The following SLX4IP variants were observed in gnomAD, a reference collection of about 807,000 sequenced individuals.
SLX4IP encodes the protein SLX4 interacting protein.
Under a neutral mutation model 32.9 loss-of-function variants are expected in SLX4IP, and 34 were observed. The observed-to-expected ratio is 1.03, with a 90% CI of 0.79 to 1.38. The LOEUF (loss-of-function observed/expected upper bound fraction) is 1.38. Among genes scored for constraint, SLX4IP ranks in the 40% most tolerant of loss-of-function variants. The probability of loss-of-function intolerance (pLI) is 0.00; values close to 1 mark genes in which losing one functional copy is unlikely to be tolerated. For synonymous variants in SLX4IP, 172 were observed against 171.7 expected (o/e 1.00, Z -0.01); for missense variants, 444 against 479.0 (o/e 0.93, Z 0.68).
At chr20:10,622,228 C>G (rs1568779283) in intron 7 of SLX4IP, among the ~76,000 whole-genome samples, 1 of 152,042 alleles carries the variant, frequency 6.6e-6, no homozygotes, top group South Asian at 2.1e-4. Context: ...TTGAAATAGC[C>G]TGAGAGAAAT....
intron 2 of SLX4IP, among the ~76,000 whole-genome samples, chr20:10,503,351 G>T (rs1043850547): frequency 2.6e-5 from 4 of 152,154 alleles, no homozygotes; most frequent in African/African-American, 7.2e-5. Flanking sequence ...TAGAGGTGTG[G>T]CTGGGTTGGA....
intron 2 of SLX4IP, among the ~76,000 whole-genome samples, chr20:10,525,939 T>C (rs2065936760): frequency 6.6e-6 from 1 of 152,158 alleles, no homozygotes; most frequent in Admixed American, 6.5e-5. Context: ...GGTAAGGACT[T>C]GGGGGTCTCC....
chr20:10,462,914 C>T (rs1180727868), intron 2 of SLX4IP, among the ~76,000 whole-genome samples: 1 of 152,182 alleles, frequency 6.6e-6, no homozygotes, highest in Admixed American at 6.5e-5. Context: ...GCATGGGAGT[C>T]ATACAAAATA....
chr20:10,448,225 C>T (rs367856471), intron 1 of SLX4IP, among the ~76,000 whole-genome samples: 29 of 152,164 alleles, frequency 1.9e-4, no homozygotes, highest in Admixed American at 5.9e-4. Flanking sequence ...ATAAAATGAG[C>T]GGTGGGATGA....
intron 4 of SLX4IP, among the ~76,000 whole-genome samples, chr20:10,570,848 G>A (rs1385476162): frequency 2.6e-5 from 4 of 152,040 alleles, no homozygotes; most frequent in Non-Finnish European, 5.9e-5. Context: ...CTTGTTTTTT[G>A]AGACAGGGTC....
At chr20:10,532,604 C>T (rs2065999222) in intron 2 of SLX4IP, among the ~76,000 whole-genome samples, 1 of 152,114 alleles carries the variant, frequency 6.6e-6, no homozygotes, top group African/African-American at 2.4e-5. Flanking sequence ...CTGAGGCCCC[C>T]TGGTGACATA....
At chr20:10,573,475 T>C (rs1035477525) in intron 4 of SLX4IP, among the ~76,000 whole-genome samples, 1 of 152,214 alleles carries the variant, frequency 6.6e-6, no homozygotes, top group African/African-American at 2.4e-5. Flanking sequence ...AGTCAGTTAT[T>C]ACAATGGGCA....
chr20:10,496,377 C>G (rs953217847), intron 2 of SLX4IP, among the ~76,000 whole-genome samples: 1 of 152,070 alleles, frequency 6.6e-6, no homozygotes, highest in Non-Finnish European at 1.5e-5. Context: ...TAATTCTCTT[C>G]TTTTAGAGTT....
intron 4 of SLX4IP, among the ~76,000 whole-genome samples, chr20:10,580,321 C>T (rs1437870577): frequency 2.0e-5 from 3 of 151,968 alleles, no homozygotes; most frequent in Non-Finnish European, 2.9e-5. Context: ...CCAGGGTTGC[C>T]AGGAGCCAAA....
chr20:10,519,528 ATGT>A (rs2065885812), intron 2 of SLX4IP, among the ~76,000 whole-genome samples: 1 of 152,218 alleles, frequency 6.6e-6, no homozygotes, highest in Non-Finnish European at 1.5e-5. Context: ...AGGTTCAACC[ATGT>A]TGTAGTATGT....
chr20:10,512,671 ATT>A (rs1471364227), intron 2 of SLX4IP, among the ~76,000 whole-genome samples: 3 of 140,758 alleles, frequency 2.1e-5, no homozygotes, highest in African/African-American at 5.2e-5. Flanking sequence ...TAGTATATAT[ATT>A]GTGTATATAT....
intron 1 of SLX4IP, among the ~76,000 whole-genome samples, chr20:10,450,557 T>C (rs182434467): frequency 3.3e-5 from 5 of 152,312 alleles, no homozygotes; most frequent in African/African-American, 1.2e-4. Flanking sequence ...ATTATGTTAT[T>C]TAGAGAATGG....
At position 10,473,830 on chromosome 20, in the gene SLX4IP, C is replaced by CT. The variant is rs1291581216; in HGVS notation, c.27+15610dup. Among the ~76,000 whole-genome samples, 271 of 143,280 alleles carry CT rather than the reference C, an allele frequency of 1.9e-3. 1 individual carries two copies. The highest frequency in any genetic ancestry group is 0.014 in the East Asian group (67 of 4,934). The allele number at this position is 143,280 out of a possible 152,430, so 94.0% of individuals were successfully genotyped here. Reference sequence around the variant, plus strand: ...CATGTTGGCCCGGCTGGTTGGTCTTCTTTTTTTTTTTGAAAGGAGTCTTGC... The same window carrying CT: ...CATGTTGGCCCGGCTGGTTGGTCTTCTTTTTTTTTTTTGAAAGGAGTCTTGC... On this transcript the variant is annotated intron_variant, in intron 2 of 7. Coordinates refer to ENST00000334534, the MANE Select transcript of SLX4IP (RefSeq NM_001009608.3).
At chr20:10,468,236 T>A (rs1352595330) in intron 2 of SLX4IP, among the ~76,000 whole-genome samples, 1 of 152,222 alleles carries the variant, frequency 6.6e-6, no homozygotes, top group Non-Finnish European at 1.5e-5. Flanking sequence ...CAGAGCATCT[T>A]GAATTTACTC....
Position 10,623,154 on chromosome 20 carries a change from G to A in SLX4IP, c.1002G>A (p.Leu334=), listed in dbSNP as rs2067135099. ...AAAAAAGCAAAGCTGTCAGGGTTTT[G>A]CCAGCTTCAGAGTTGTCAGATCCAG... ...IVEKSKAVRV[L]PASELSDPGL... is the part of the protein sequence containing the mutation. Residue 334 remains leucine, a synonymous_variant, in exon 8 of 8, where the codon TTG becomes TTA. Coordinates refer to ENST00000334534, the MANE Select transcript of SLX4IP (RefSeq NM_001009608.3). 6.2e-7 allele frequency: 1 copy of A among 1,614,208 alleles called. No individual in the cohort carries two copies. The highest frequency in any genetic ancestry group is 8.5e-7 in the Non-Finnish European group (1 of 1,180,042).
At chr20:10,512,807 T>C (rs1417038638) in intron 2 of SLX4IP, among the ~76,000 whole-genome samples, 115 of 20,588 alleles carry the variant, frequency 5.6e-3, no homozygotes, top group Non-Finnish European at 0.013. Context: ...TATATATATA[T>C]ATATATATAT....
intron 2 of SLX4IP, among the ~76,000 whole-genome samples, chr20:10,513,739 A>G (rs6032891): frequency 4.9e-4 from 74 of 152,318 alleles, no homozygotes; most frequent in African/African-American, 1.8e-3. Flanking sequence ...AGCTGTGCCT[A>G]TCACTGGCCA....
At chr20:10,563,750 G>C (rs1182135038) in intron 4 of SLX4IP, among the ~76,000 whole-genome samples, 1 of 152,122 alleles carries the variant, frequency 6.6e-6, no homozygotes, top group Admixed American at 6.5e-5. Context: ...TCTCTATTCT[G>C]TTCCATTGCT....
At chr20:10,499,230 C>G (rs1228661829) in intron 2 of SLX4IP, among the ~76,000 whole-genome samples, 1 of 152,098 alleles carries the variant, frequency 6.6e-6, no homozygotes, top group Non-Finnish European at 1.5e-5. Context: ...ATGACAGACA[C>G]TTGTCTATCT....
Sources: gnomAD v4.1 joint callset for allele counts (sites outside exome capture counted in the v4.1 genomes callset) on GRCh38, gnomAD v4.1.1 for gene constraint, MANE v1.5 for transcripts, NCBI Gene and HGNC (gene_info 2026-07-23, HGNC 2026-07-21) for gene names.